The following SBNO1 variants were observed in gnomAD, a reference collection of about 807,000 sequenced individuals.
The protein encoded by SBNO1 is strawberry notch homolog 1.
SBNO1 carries 23 observed loss-of-function variants against 173.6 expected under a neutral mutation model. The ratio of observed to expected loss-of-function variants is 0.13; its 90% CI spans 0.10 to 0.19. The LOEUF is 0.19. SBNO1 is among the 10% of genes least tolerant of loss of function. The probability of loss-of-function intolerance (pLI) is 1.00; values close to 1 mark genes in which losing one functional copy is unlikely to be tolerated. For missense variants in SBNO1, 1,238 were observed against 1,671.2 expected (o/e 0.74, Z 4.52); for synonymous variants, 632 against 571.5 (o/e 1.11, Z -1.51).
At chr12:123,300,969 A>AC (rs2048768017) in intron 30 of SBNO1, among the ~76,000 whole-genome samples, 1 of 145,486 alleles carries the variant, frequency 6.9e-6, no homozygotes, top group Non-Finnish European at 1.5e-5. Context: ...CAAAAAAAAA[A>AC]CAAAAAAAAA....
chr12:123,362,203 G>C (rs140395601), intron 1 of SBNO1, among the ~76,000 whole-genome samples: 1 of 151,782 alleles, frequency 6.6e-6, no homozygotes, highest in East Asian at 1.9e-4. Context: ...TTGGGAGGCC[G>C]AGGCAAGCGG....
At chr12:123,300,691 G>C (rs1440099478) in intron 30 of SBNO1, among the ~76,000 whole-genome samples, 5 of 151,114 alleles carry the variant, frequency 3.3e-5, no homozygotes, top group African/African-American at 1.2e-4. Flanking sequence ...GCAAGGCGCG[G>C]TGGCTTATGC....
chr12:123,315,486 T>C lies in SBNO1; in HGVS notation c.3049-42A>G, dbSNP rs368623456. 886 of 1,592,634 alleles carry C rather than the reference T, an allele frequency of 5.6e-4. No individual in the cohort carries two copies. Among genetic ancestry groups the C allele is most frequent in the Non-Finnish European group, 7.3e-4 (848 of 1,160,718 alleles). The stretch of plus-strand genomic sequence containing the variant: ...TTTCAATCAAGGCACAGGTAACCTT[T>C]TACCAGAAAACAGGTACAATAGATC... On this transcript the variant is annotated intron_variant, in intron 22 of 31. Coordinates refer to ENST00000602398, the MANE Select transcript of SBNO1 (RefSeq NM_001167856.3).
chr12:123,312,341 T>C (rs1868683524), intron 24 of SBNO1, among the ~76,000 whole-genome samples: 1 of 152,184 alleles, frequency 6.6e-6, no homozygotes, highest in South Asian at 2.1e-4. Flanking sequence ...TGAACACCTC[T>C]AACTGGTATG....
chr12:123,309,486 T>C lies in SBNO1; in HGVS notation c.3537+3A>G. On this transcript the variant is annotated splice_donor_region_variant and intron_variant, in intron 27 of 31. Transcript: ENST00000602398. ...GATACTTCACAACATTTTCTAAACTTACTGTGTATAATTCTACGTGGCCAG... is the reference window on the plus strand; with the variant it reads ...GATACTTCACAACATTTTCTAAACTCACTGTGTATAATTCTACGTGGCCAG... 1 of 1,609,998 alleles carries C rather than the reference T, an allele frequency of 6.2e-7. No individual in the cohort carries two copies. The highest frequency in any genetic ancestry group is 8.5e-7 in the Non-Finnish European group (1 of 1,176,268).
At chr12:123,333,964 T>C in intron 7 of SBNO1, 89 bp downstream of exon 7, 1 of 820,054 alleles carries the variant, frequency 1.2e-6, no homozygotes, top group Non-Finnish European at 1.8e-6. Context: ...AAGGTTTTCA[T>C]ACAAGGAAAA....
intron 1 of SBNO1, among the ~76,000 whole-genome samples, chr12:123,357,991 G>C (rs1351535369): frequency 6.6e-6 from 1 of 152,156 alleles, no homozygotes; most frequent in African/African-American, 2.4e-5. Flanking sequence ...AAATTCAGAT[G>C]GTCAATTGTC....
intron 17 of SBNO1, 102 bp downstream of exon 17, chr12:123,321,433 G>T: frequency 1.2e-6 from 1 of 837,680 alleles, no homozygotes. Flanking sequence ...ATTATAATCT[G>T]TGTGATCATT....
At chr12:123,300,959 CA>C (rs1165273653) in intron 30 of SBNO1, among the ~76,000 whole-genome samples, 2 of 86,046 alleles carry the variant, frequency 2.3e-5, no homozygotes, top group African/African-American at 4.4e-5. Context: ...GACACCATCT[CA>C]AAAAAAAAAC....
intron 28 of SBNO1, among the ~76,000 whole-genome samples, chr12:123,308,425 CT>C (rs2048974622): frequency 6.6e-6 from 1 of 152,154 alleles, no homozygotes; most frequent in Non-Finnish European, 1.5e-5. Context: ...AATCCCAGCA[CT>C]TTGGGAGGCC....
rs144935917 is a variant in SBNO1, at chr12:123,327,825, C to T, written c.1433-13G>A. The T allele has an allele frequency of 3.3e-4, 532 of 1,609,988 alleles. No individual in the cohort carries two copies. The African/African-American group carries it at 5.9e-3, about 18-fold the overall frequency. ...GGTTCAGAAGCACCTGAAAATCCCA[C>T]AAATGAAATATATTATAGTTGAAAA... On this transcript the variant is annotated splice_polypyrimidine_tract_variant and intron_variant, in intron 11 of 31. Coordinates refer to ENST00000602398, the MANE Select transcript of SBNO1 (RefSeq NM_001167856.3).
intron 12 of SBNO1, 52 bp from the exon 13 acceptor site, chr12:123,327,631 TAC>T: frequency 6.3e-7 from 1 of 1,596,576 alleles, no homozygotes; most frequent in South Asian, 1.1e-5. Flanking sequence ...AATTTTAACA[TAC>T]AGAGAATGGG....
intron 4 of SBNO1, among the ~76,000 whole-genome samples, chr12:123,343,078 C>T (rs141597918): frequency 1.3e-5 from 2 of 152,120 alleles, no homozygotes; most frequent in African/African-American, 4.8e-5. Context: ...CCTGTCTCTA[C>T]TAAAAATAGC....
chr12:123,310,353 C>T (rs1053275715), intron 25 of SBNO1, among the ~76,000 whole-genome samples: 1 of 152,020 alleles, frequency 6.6e-6, no homozygotes, highest in African/African-American at 2.4e-5. Flanking sequence ...CCTGCCTCAG[C>T]CTCCTGAGTA....
intron 3 of SBNO1, among the ~76,000 whole-genome samples, chr12:123,346,256 A>C (rs899718293): frequency 1.3e-5 from 2 of 152,168 alleles, no homozygotes; most frequent in African/African-American, 4.8e-5. Context: ...AATCTCCCCA[A>C]AAGACTAGTA....
chr12:123,305,765 G>T (rs917942513), intron 28 of SBNO1, among the ~76,000 whole-genome samples: 6 of 151,998 alleles, frequency 3.9e-5, no homozygotes, highest in African/African-American at 1.5e-4. Flanking sequence ...GAGCCACCAC[G>T]CCTGGCCTAT....
rs1302304534 is a variant in SBNO1 at position 123,292,567 on chromosome 12, T to G, written c.*3341A>C. 1 of 152,208 alleles carries G rather than the reference T, an allele frequency of 6.6e-6. No individual in the cohort carries two copies. Among genetic ancestry groups the G allele is most frequent in the Non-Finnish European group, 1.5e-5 (1 of 68,026 alleles). The allele number at this position is 152,208 out of a possible 1,614,324, so 9.4% of individuals were successfully genotyped here. On this transcript the variant is annotated 3_prime_UTR_variant, in exon 32 of 32. Coordinates refer to ENST00000602398, the MANE Select transcript of SBNO1 (RefSeq NM_001167856.3). ...GCCAGCAAATGAATGCCCCAGGGAC[T>G]ACAGCCAGAAAATTGTGCCTGTAAA...
chr12:123,334,394 T>C (rs1235671968), intron 6 of SBNO1, among the ~76,000 whole-genome samples, 181 bp from the exon 7 acceptor site: 1 of 152,188 alleles, frequency 6.6e-6, no homozygotes, highest in Non-Finnish European at 1.5e-5. Context: ...CTAAAATGAT[T>C]TATCAACTAC....
chr12:123,326,858 T>C (rs1870665511), intron 13 of SBNO1, among the ~76,000 whole-genome samples: 1 of 151,976 alleles, frequency 6.6e-6, no homozygotes, highest in Admixed American at 6.6e-5. Context: ...ACCTGGGAGG[T>C]AGAGGTTGCA....
Sources: gnomAD v4.1 joint callset for allele counts (sites outside exome capture counted in the v4.1 genomes callset) on GRCh38, gnomAD v4.1.1 for gene constraint, MANE v1.5 for transcripts, NCBI Gene and HGNC (gene_info 2026-07-23, HGNC 2026-07-21) for gene names.